DNAJC15: variants seen among roughly 807,000 people sequenced by gnomAD.
The protein encoded by DNAJC15 is dnaJ homolog subfamily C member 15.
DNAJC15 carries 27 observed loss-of-function variants against 22.4 expected under a neutral mutation model. The ratio of observed to expected loss-of-function variants is 1.20; its 90% CI spans 0.89 to 1.66. The LOEUF (loss-of-function observed/expected upper bound fraction) is 1.66. Among genes scored for constraint, DNAJC15 ranks in the 40% most tolerant of loss-of-function variants. DNAJC15 has a pLI of 0.00. For synonymous variants in DNAJC15, 79 were observed against 63.2 expected, an observed-to-expected ratio of 1.25 and a Z score of -1.19; for missense variants, 208 against 187.1, an observed-to-expected ratio of 1.11 and a Z score of -0.65.
intron 1 of DNAJC15, among the ~76,000 whole-genome samples, chr13:43,031,541 G>A (rs2040403901): frequency 6.6e-6 from 1 of 152,252 alleles, no homozygotes; most frequent in Admixed American, 6.5e-5. Context: ...CTTTGGGAGT[G>A]TAGAGGAGGA....
At chr13:43,103,215 A>C (rs1033888877) in intron 5 of DNAJC15, among the ~76,000 whole-genome samples, 24 of 152,162 alleles carry the variant, frequency 1.6e-4, no homozygotes, top group African/African-American at 5.6e-4. Flanking sequence ...GTTTAATTCT[A>C]CTATGGTCAG....
intron 5 of DNAJC15, among the ~76,000 whole-genome samples, chr13:43,091,720 T>C (rs565913665): frequency 9.8e-5 from 15 of 152,308 alleles, no homozygotes; most frequent in African/African-American, 2.9e-4. Context: ...AAATGAATAG[T>C]CAGATCACTG....
At chr13:43,028,761 C>G (rs1353423226) in intron 1 of DNAJC15, among the ~76,000 whole-genome samples, 1 of 152,090 alleles carries the variant, frequency 6.6e-6, no homozygotes, top group Admixed American at 6.5e-5. Context: ...CTGGCTAACT[C>G]CTATTCATTT....
At chr13:43,052,631 G>A (rs1456481989) in intron 1 of DNAJC15, among the ~76,000 whole-genome samples, 2 of 152,130 alleles carry the variant, frequency 1.3e-5, no homozygotes, top group African/African-American at 4.8e-5. Flanking sequence ...GGCCAGGCTG[G>A]TCTCGAACTC....
At chr13:43,055,694 CTTTTG>C (rs993584941) in intron 1 of DNAJC15, among the ~76,000 whole-genome samples, 8 of 152,140 alleles carry the variant, frequency 5.3e-5, no homozygotes, top group African/African-American at 9.7e-5. Context: ...TTTTGTTTCA[CTTTTG>C]TTTTGTTGTT....
intron 1 of DNAJC15, among the ~76,000 whole-genome samples, chr13:43,024,430 G>A (rs112258224): frequency 7.2e-6 from 1 of 138,008 alleles, no homozygotes; most frequent in Non-Finnish European, 1.5e-5. Context: ...TGCAAGCTCC[G>A]CCTCCCGGTT....
At chr13:43,104,322 G>T (rs1335432019) in intron 5 of DNAJC15, among the ~76,000 whole-genome samples, 3 of 152,050 alleles carry the variant, frequency 2.0e-5, no homozygotes, top group African/African-American at 7.2e-5. Context: ...TTCTGTGTCT[G>T]GCTTCTTTGA....
At position 43,094,475 on chromosome 13, in the gene DNAJC15, C is replaced by T. The variant is rs531122358; in HGVS notation, c.382+8637C>T. Reference sequence around the variant, plus strand: ...ATGTACACTAATGTTTGAGAATCACCGCTCTAAGGGTTCCAGCTGGGTTTC... The same window carrying T: ...ATGTACACTAATGTTTGAGAATCACTGCTCTAAGGGTTCCAGCTGGGTTTC... On this transcript the variant is annotated intron_variant, in intron 5 of 5. Coordinates refer to ENST00000379221, the MANE Select transcript of DNAJC15 (RefSeq NM_013238.3). 9.9e-5 allele frequency among the ~76,000 whole-genome samples: 15 copies of T among 152,240 alleles called. No homozygotes were observed. The South Asian group carries it at 1.2e-3, about 13-fold the overall frequency.
At chr13:43,041,759 GTT>G (rs1001802617) in intron 1 of DNAJC15, among the ~76,000 whole-genome samples, 9 of 152,224 alleles carry the variant, frequency 5.9e-5, no homozygotes, top group Middle Eastern at 3.2e-3. Flanking sequence ...CCAGCTGTCT[GTT>G]TTACTGTCTC....
intron 4 of DNAJC15, 195 bp downstream of exon 4, chr13:43,078,883 C>A: frequency 5.0e-6 from 2 of 397,172 alleles, no homozygotes; most frequent in African/African-American, 4.1e-5. Context: ...CAAAACAAAA[C>A]AAAAAAACAG....
chr13:43,056,153 A>ATT (rs1215248116), intron 1 of DNAJC15, among the ~76,000 whole-genome samples: 14 of 139,032 alleles, frequency 1.0e-4, no homozygotes, highest in African/African-American at 1.1e-4. Context: ...TTGTTTTTTA[A>ATT]TTTTTTTTTT....
chr13:43,081,525 G>A (rs1040742757), intron 4 of DNAJC15, among the ~76,000 whole-genome samples: 1 of 151,410 alleles, frequency 6.6e-6, no homozygotes, highest in Non-Finnish European at 1.5e-5. Context: ...TGCAAGCTGC[G>A]CCTCCCAGGT....
intron 1 of DNAJC15, among the ~76,000 whole-genome samples, chr13:43,025,526 A>G (rs888679382): frequency 3.3e-5 from 5 of 152,224 alleles, no homozygotes; most frequent in African/African-American, 9.6e-5. Flanking sequence ...TTCATAGACA[A>G]TAAAATCTAC....
chr13:43,081,884 GC>G (rs2040663604), intron 4 of DNAJC15, among the ~76,000 whole-genome samples: 1 of 152,098 alleles, frequency 6.6e-6, no homozygotes, highest in African/African-American at 2.4e-5. Context: ...GTTCCACATA[GC>G]TGGGGAGGCC....
At chr13:43,078,799 G>A in intron 4 of DNAJC15, 111 bp downstream of exon 4, 2 of 825,278 alleles carry the variant, frequency 2.4e-6, no homozygotes, top group Non-Finnish European at 3.5e-6. Flanking sequence ...GTAGGTGGCA[G>A]AGGAGAAAAT....
In DNAJC15 at chr13:43,037,991, A is replaced by G. The variant is rs188473938; in HGVS notation, c.108+14257A>G. Reference sequence around the variant, plus strand: ...TGGTTGCTAAACATTCCTCAATAATATATTTAATTGTTGATCCATATTTTA... The same window carrying G: ...TGGTTGCTAAACATTCCTCAATAATGTATTTAATTGTTGATCCATATTTTA... On this transcript the variant is annotated intron_variant, in intron 1 of 5. Transcript: ENST00000379221. Among the ~76,000 whole-genome samples the G allele has an allele frequency of 1.8e-3, 276 of 152,332 alleles. 2 individuals carry two copies. The highest frequency in any genetic ancestry group is 5.4e-3 in the African/African-American group (226 of 41,578).
Position 43,059,382 on chromosome 13 carries a change from C to G in DNAJC15, c.109-6304C>G, listed in dbSNP as rs867284183. 3.1e-4 allele frequency among the ~76,000 whole-genome samples: 47 copies of G among 152,098 alleles called. No homozygotes were observed. In the Middle Eastern group the frequency reaches 0.017, roughly 55 times the overall value. ...TATATTTATATTTCTTCTTCTCTTT[C>G]TTTTTTTGGAGACGGAGTTTTGCTC... On this transcript the variant is annotated intron_variant, in intron 1 of 5. Coordinates refer to ENST00000379221, the MANE Select transcript of DNAJC15 (RefSeq NM_013238.3).
At chr13:43,050,654 G>T (rs1333134896) in intron 1 of DNAJC15, among the ~76,000 whole-genome samples, 1 of 151,986 alleles carries the variant, frequency 6.6e-6, no homozygotes, top group African/African-American at 2.4e-5. Flanking sequence ...ATATGTTTTT[G>T]TTTGTTTACT....
chr13:43,105,067 GA>G (rs1356141697), intron 5 of DNAJC15, among the ~76,000 whole-genome samples: 3 of 151,424 alleles, frequency 2.0e-5, no homozygotes, highest in Non-Finnish European at 4.4e-5. Context: ...CCAGCAACTA[GA>G]TATTATAACC....
Sources: allele counts gnomAD v4.1 joint callset (sites outside exome capture counted in the v4.1 genomes callset), GRCh38; gene constraint gnomAD v4.1.1; transcripts MANE v1.5; gene names NCBI Gene and HGNC (gene_info 2026-07-23, HGNC 2026-07-21).